The following TSPAN5 variants were observed in gnomAD, a reference collection of about 807,000 sequenced individuals.
TSPAN5 encodes tetraspanin 5.
A neutral mutation model predicts 37.1 loss-of-function variants in TSPAN5; 10 were observed. The observed-to-expected ratio is 0.27, with a 90% confidence interval of 0.17 to 0.46. The LOEUF is 0.46. TSPAN5 is among the 20% of genes least tolerant of loss of function. The pLI, the probability that TSPAN5 is intolerant of heterozygous loss-of-function variation, is 1.00. For synonymous variants in TSPAN5, 110 were observed against 118.9 expected (o/e 0.93, Z 0.48); for missense variants, 195 against 326.6 (o/e 0.60, Z 3.11).
chr4:98,639,357 G>A (rs956322666), intron 1 of TSPAN5, among the ~76,000 whole-genome samples: 7 of 152,008 alleles, frequency 4.6e-5, no homozygotes, highest in East Asian at 1.9e-4. Context: ...TTGCTCTGTC[G>A]CCCAGGCCAG....
At chr4:98,657,811 G>A (rs1757322895) in intron 1 of TSPAN5, 1 of 330,264 alleles carries the variant, frequency 3.0e-6, no homozygotes, top group South Asian at 2.8e-5. Context: ...ATATCCCACC[G>A]AGAGCAAATC....
chr4:98,523,997 G>A (rs1319060760), intron 1 of TSPAN5, among the ~76,000 whole-genome samples: 1 of 152,126 alleles, frequency 6.6e-6, no homozygotes, highest in Non-Finnish European at 1.5e-5. Context: ...TAAGGTATGT[G>A]TTTTATGTAT....
chr4:98,489,301 C>G (rs1753036470), intron 2 of TSPAN5, among the ~76,000 whole-genome samples: 1 of 152,186 alleles, frequency 6.6e-6, no homozygotes, highest in East Asian at 1.9e-4. Flanking sequence ...TGTAACTACT[C>G]AGCTCACACC....
Position 98,564,692 on chromosome 4 carries a change from AT to A in TSPAN5, c.82-56965del, listed in dbSNP as rs1442848170. Among the ~76,000 whole-genome samples the A allele has an allele frequency of 6.4e-3, 915 of 143,376 alleles. 29 individuals are homozygous for A. The East Asian group carries it at 0.11, about 17-fold the overall frequency. 94.1% of individuals were successfully genotyped at this position (143,376 alleles called of 152,430 possible). On this transcript the variant is annotated intron_variant, in intron 1 of 7. Coordinates refer to ENST00000305798, the MANE Select transcript of TSPAN5 (RefSeq NM_005723.4). ...ACATTAAAATTGACTGTGTTTCTAA[AT>A]TTTTTTTTTTTTTTCTTTTTTGAGA...
In TSPAN5 at chr4:98,560,174, C is replaced by T. The variant is rs546993906; in HGVS notation, c.82-52446G>A. On this transcript the variant is annotated intron_variant, in intron 1 of 7. Coordinates refer to ENST00000305798, the MANE Select transcript of TSPAN5 (RefSeq NM_005723.4). ...GATAACAAGACAAGCTGCTAACTTA[C>T]CATTTGGTGACAAATACCTCTTTCT... 2.6e-5 allele frequency: 4 copies of T among 152,320 alleles called. No homozygotes were observed. The South Asian group carries it at 8.3e-4, about 32-fold the overall frequency. 9.4% of individuals were successfully genotyped at this position (152,320 alleles called of 1,614,324 possible).
intron 1 of TSPAN5, among the ~76,000 whole-genome samples, chr4:98,610,905 C>G (rs1756172927): frequency 6.6e-6 from 1 of 152,120 alleles, no homozygotes; most frequent in African/African-American, 2.4e-5. Context: ...CCTGACCCCG[C>G]TCCCCAGGTA....
intron 1 of TSPAN5, among the ~76,000 whole-genome samples, chr4:98,554,644 C>T (rs551588227): frequency 4.9e-4 from 75 of 152,162 alleles, no homozygotes; most frequent in Non-Finnish European, 9.0e-4. Flanking sequence ...TGCCTTTGCA[C>T]GCTTTTTAAT....
Position 98,575,400 on chromosome 4 carries a change from C to G in TSPAN5, c.82-67672G>C, listed in dbSNP as rs1284233684. 1.4e-5 allele frequency among the ~76,000 whole-genome samples: 2 copies of G among 147,564 alleles called. 1 individual carries two copies. The highest frequency in any genetic ancestry group is 4.4e-4 in the South Asian group (2 of 4,588). On this transcript the variant is annotated intron_variant, in intron 1 of 7. Transcript: ENST00000305798. ...TTTTTAAAGCCCATACTGTCAGTCT[C>G]TTTTCAATGAGACAATATAACTCCT... is the stretch of plus-strand genomic sequence containing the variant.
chr4:98,489,748 C>A (rs1753046193), intron 2 of TSPAN5, among the ~76,000 whole-genome samples: 1 of 151,778 alleles, frequency 6.6e-6, no homozygotes, highest in Non-Finnish European at 1.5e-5. Flanking sequence ...AGGGTTCATC[C>A]TAATCGAGCT....
chr4:98,556,037 A>ACCCC (rs374997947), intron 1 of TSPAN5, among the ~76,000 whole-genome samples: 3 of 63,390 alleles, frequency 4.7e-5, no homozygotes, highest in African/African-American at 7.9e-5. Context: ...CACACACAGC[A>ACCCC]CCCCCACACA....
At chr4:98,559,708 C>T (rs1275589113) in intron 1 of TSPAN5, among the ~76,000 whole-genome samples, 1 of 152,210 alleles carries the variant, frequency 6.6e-6, no homozygotes, top group Non-Finnish European at 1.5e-5. Context: ...CAGACAGAAT[C>T]TGAACATTTT....
intron 1 of TSPAN5, among the ~76,000 whole-genome samples, chr4:98,617,697 GC>G (rs1300595991): frequency 6.6e-6 from 1 of 152,134 alleles, no homozygotes; most frequent in Non-Finnish European, 1.5e-5. Context: ...CAGATTGCAG[GC>G]CCAGTTTCCC....
intron 1 of TSPAN5, among the ~76,000 whole-genome samples, chr4:98,512,812 C>T (rs766389608): frequency 1.5e-4 from 23 of 152,200 alleles, no homozygotes; most frequent in Non-Finnish European, 2.8e-4. Flanking sequence ...CTAGACACTA[C>T]TTTTCTCTTG....
Position 98,593,872 on chromosome 4 carries a change from T to G in TSPAN5, c.81+64274A>C, listed in dbSNP as rs566809677. Among the ~76,000 whole-genome samples, 86 of 57,030 alleles carry G rather than the reference T, an allele frequency of 1.5e-3. 35 individuals carry two copies. The highest frequency in any genetic ancestry group is 0.012 in the African/African-American group (82 of 6,980). The allele number at this position is 57,030 out of a possible 152,430, so 37.4% of individuals were successfully genotyped here. Reference sequence around the variant, plus strand: ...TAGCATAGTTTGAAGTCAGGTAGTGTGATGCCTCCAGCTTTGTTCTTTTGG... The same window carrying G: ...TAGCATAGTTTGAAGTCAGGTAGTGGGATGCCTCCAGCTTTGTTCTTTTGG... On this transcript the variant is annotated intron_variant, in intron 1 of 7. Coordinates refer to ENST00000305798, the MANE Select transcript of TSPAN5 (RefSeq NM_005723.4).
intron 1 of TSPAN5, among the ~76,000 whole-genome samples, chr4:98,634,182 C>A (rs975228229): frequency 2.0e-5 from 3 of 152,298 alleles, no homozygotes; most frequent in African/African-American, 7.2e-5. Context: ...AAAGCACTGA[C>A]CTTTTTCAGT....
At chr4:98,512,805 GAC>G (rs919443815) in intron 1 of TSPAN5, among the ~76,000 whole-genome samples, 2 of 152,108 alleles carry the variant, frequency 1.3e-5, no homozygotes, top group Non-Finnish European at 2.9e-5. Context: ...TTTTGTACTA[GAC>G]ACTACTTTTC....
chr4:98,598,331 C>T (rs1229375398), intron 1 of TSPAN5, among the ~76,000 whole-genome samples: 2 of 146,288 alleles, frequency 1.4e-5, no homozygotes, highest in African/African-American at 5.2e-5. Flanking sequence ...CCTGCGCCCA[C>T]TGTCTGGCAC....
intron 1 of TSPAN5, among the ~76,000 whole-genome samples, chr4:98,509,269 T>A (rs1753551226): frequency 6.6e-6 from 1 of 152,200 alleles, no homozygotes; most frequent in Non-Finnish European, 1.5e-5. Context: ...GTGGTTATTT[T>A]TTACAGTTCC....
At chr4:98,540,456 G>A (rs1367051348) in intron 1 of TSPAN5, among the ~76,000 whole-genome samples, 1 of 152,064 alleles carries the variant, frequency 6.6e-6, no homozygotes, top group Non-Finnish European at 1.5e-5. Context: ...TCCTGTCTCA[G>A]TCTCCTGAGT....
Sources: gnomAD v4.1 joint callset for allele counts (sites outside exome capture counted in the v4.1 genomes callset) on GRCh38, gnomAD v4.1.1 for gene constraint, MANE v1.5 for transcripts, NCBI Gene and HGNC (gene_info 2026-07-23, HGNC 2026-07-21) for gene names.